MIX23: variants seen among roughly 807,000 people sequenced by gnomAD.
MIX23 encodes the protein protein MIX23.
MIX23 carries 13 observed loss-of-function variants against 21.6 expected under a neutral mutation model. The observed-to-expected ratio is 0.60, with a 90% CI of 0.39 to 0.96. The LOEUF (loss-of-function observed/expected upper bound fraction) is 0.96. Among genes scored for constraint, MIX23 ranks in the 40% least tolerant of loss-of-function variants. MIX23 has a pLI of 0.00. For synonymous variants in MIX23, 59 were observed against 58.0 expected (o/e 1.02, Z -0.08); for missense variants, 144 against 171.2 (o/e 0.84, Z 0.89).
intron 1 of MIX23, among the ~76,000 whole-genome samples, chr3:122,372,601 C>A (rs1319946743): frequency 6.6e-6 from 1 of 152,124 alleles, no homozygotes; most frequent in African/African-American, 2.4e-5. Context: ...GCAGGAGTAT[C>A]ACTTGAACCC....
At chr3:122,377,605 T>C (rs968383162) in intron 1 of MIX23, among the ~76,000 whole-genome samples, 5 of 152,196 alleles carry the variant, frequency 3.3e-5, no homozygotes, top group Admixed American at 3.3e-4. Flanking sequence ...TCCCAGCTCT[T>C]TGGCAGATTC....
chr3:122,364,954 G>A (rs2075386134), intron 3 of MIX23, among the ~76,000 whole-genome samples: 1 of 152,090 alleles, frequency 6.6e-6, no homozygotes, highest in Non-Finnish European at 1.5e-5. Flanking sequence ...CAAGGTAGGT[G>A]GGATTTATTT....
intron 3 of MIX23, 91 bp from the exon 4 acceptor site, chr3:122,363,118 A>C: frequency 9.5e-7 from 1 of 1,050,410 alleles, no homozygotes; most frequent in Non-Finnish European, 1.4e-6. Flanking sequence ...AACCACACTC[A>C]TGTTTACCCA....
At chr3:122,371,282 G>GT (rs1333057519) in intron 2 of MIX23, among the ~76,000 whole-genome samples, 1 of 152,246 alleles carries the variant, frequency 6.6e-6, no homozygotes, top group Non-Finnish European at 1.5e-5. Context: ...GTTTAAAGGT[G>GT]TGAAGGGTTT....
intron 2 of MIX23, among the ~76,000 whole-genome samples, chr3:122,370,326 G>C (rs1008054031): frequency 1.3e-5 from 2 of 151,866 alleles, no homozygotes; most frequent in Non-Finnish European, 2.9e-5. Flanking sequence ...GCATGGTAGC[G>C]TGTGCCTGTA....
chr3:122,362,937 C>T (rs760955558), intron 4 of MIX23, 31 bp downstream of exon 4: 2 of 1,597,612 alleles, frequency 1.3e-6, no homozygotes, highest in African/African-American at 2.7e-5. Context: ...TTCCCTCCTA[C>T]TTCTTTCCAA....
chr3:122,362,755 T>C (rs905338633), intron 4 of MIX23, among the ~76,000 whole-genome samples: 1 of 152,066 alleles, frequency 6.6e-6, no homozygotes, highest in Non-Finnish European at 1.5e-5. Flanking sequence ...AAGCTAATCG[T>C]TATAAAATGG....
At chr3:122,376,489 G>A (rs2075488112) in intron 1 of MIX23, among the ~76,000 whole-genome samples, 1 of 152,014 alleles carries the variant, frequency 6.6e-6, no homozygotes, top group East Asian at 1.9e-4. Context: ...TGTGGTGGTA[G>A]GTGCCTGTAA....
chr3:122,359,861 A>AATT lies in MIX23; in HGVS notation c.*7_*8insAAT. The AATT allele has an allele frequency of 1.3e-6, 2 of 1,488,612 alleles. No individual in the cohort carries two copies. Among genetic ancestry groups the AATT allele is most frequent in the South Asian group, 1.3e-5 (1 of 78,238 alleles). 92.2% of individuals were successfully genotyped at this position (1,488,612 alleles called of 1,614,324 possible). A position where few individuals can be genotyped will look rare whatever the true frequency, so the allele number is the denominator to read the frequency against. ...AAAAAAAAAAAAAAAAAAAAAAAGA[A>AATT]TCTCTCTTTATTCATTCTTTGGAGG... On this transcript the variant is annotated 3_prime_UTR_variant, in exon 5 of 5. Coordinates refer to ENST00000291458, the MANE Select transcript of MIX23 (RefSeq NM_001017928.4).
chr3:122,360,301 G>A (rs149526760), intron 4 of MIX23, among the ~76,000 whole-genome samples: 60 of 152,192 alleles, frequency 3.9e-4, no homozygotes, highest in African/African-American at 1.3e-3. Flanking sequence ...TGTCCACATG[G>A]AACTGTGTTA....
intron 1 of MIX23, among the ~76,000 whole-genome samples, chr3:122,372,830 TAAAAA>T (rs1232557091): frequency 6.6e-6 from 1 of 151,914 alleles, no homozygotes; most frequent in Non-Finnish European, 1.5e-5. Context: ...CCCTGTCTCT[TAAAAA>T]AAGAAAGAAC....
chr3:122,360,039 T>C (rs2075346649), intron 4 of MIX23, 120 bp from the exon 5 acceptor site: 8 of 983,420 alleles, frequency 8.1e-6, no homozygotes, highest in Non-Finnish European at 1.2e-5. Context: ...AGTCAACAGA[T>C]TTAGGAAACA....
chr3:122,377,711 G>T (rs1312161740), intron 1 of MIX23, among the ~76,000 whole-genome samples: 1 of 152,128 alleles, frequency 6.6e-6, no homozygotes. Context: ...AGCCAAGCAT[G>T]GTGGCATGTG....
chr3:122,381,290 A>G (rs1420934852), intron 1 of MIX23, among the ~76,000 whole-genome samples: 1 of 152,156 alleles, frequency 6.6e-6, no homozygotes, highest in Non-Finnish European at 1.5e-5. Context: ...TTACGGGTTG[A>G]ATTGTGTGTC....
intron 2 of MIX23, among the ~76,000 whole-genome samples, chr3:122,371,358 T>C (rs1354965768): frequency 6.6e-6 from 1 of 152,272 alleles, no homozygotes; most frequent in East Asian, 1.9e-4. Flanking sequence ...TTGCTCTTGT[T>C]ACTGTTTTAC....
In MIX23 at chr3:122,362,951, CCAA is replaced by C. The variant is rs752109851; in HGVS notation, c.384+14_384+16del. 5 of 1,609,774 alleles carry C rather than the reference CCAA, an allele frequency of 3.1e-6. No individual in the cohort carries two copies. The highest frequency in any genetic ancestry group is 1.7e-5 in the Admixed American group (1 of 59,852). On this transcript the variant is annotated intron_variant, in intron 4 of 4. Coordinates refer to ENST00000291458, the MANE Select transcript of MIX23 (RefSeq NM_001017928.4). ...TTTCCCTCCTACTTCTTTCCAAACA[CCAA>C]CATTATTTTATACCTTCCAGCTCCT...
intron 2 of MIX23, 24 bp downstream of exon 2, chr3:122,371,651 A>C: frequency 6.2e-7 from 1 of 1,610,886 alleles, no homozygotes; most frequent in Non-Finnish European, 8.5e-7. Flanking sequence ...TGAAAGAAGC[A>C]AAAGACTCAA....
At chr3:122,362,445 T>C (rs1195489502) in intron 4 of MIX23, among the ~76,000 whole-genome samples, 1 of 152,102 alleles carries the variant, frequency 6.6e-6, no homozygotes, top group African/African-American at 2.4e-5. Context: ...CATTCAGTTC[T>C]ATCATATGCT....
rs377634995 is a variant in MIX23, at chr3:122,363,752, G to C, written c.325-725C>G. Among the ~76,000 whole-genome samples the C allele has an allele frequency of 2.0e-4, 31 of 151,856 alleles. No individual in the cohort carries two copies. The East Asian group carries it at 3.9e-3, about 19-fold the overall frequency. On this transcript the variant is annotated intron_variant, in intron 3 of 4. Coordinates refer to ENST00000291458, the MANE Select transcript of MIX23 (RefSeq NM_001017928.4). The stretch of plus-strand genomic sequence containing the variant: ...CAGTCAGAGGTCTCAGGCTAAAAAT[G>C]CCAAGTCTTTCTAGCTTTCTTTATA...
Sources: gnomAD v4.1 joint callset for allele counts (sites outside exome capture counted in the v4.1 genomes callset) on GRCh38, gnomAD v4.1.1 for gene constraint, MANE v1.5 for transcripts, NCBI Gene and HGNC (gene_info 2026-07-23, HGNC 2026-07-21) for gene names.